The following MAB21L4 variants were observed in gnomAD, a reference collection of about 807,000 sequenced individuals.
MAB21L4 encodes protein mab-21-like 4.
MAB21L4 carries 25 observed loss-of-function variants against 32.4 expected under a neutral mutation model. The observed-to-expected ratio is 0.77, with a 90% CI of 0.56 to 1.08. The LOEUF (loss-of-function observed/expected upper bound fraction) is 1.08, where lower values mean the gene tolerates loss of function less well. MAB21L4 is among the 50% of genes least tolerant of loss of function. The pLI is 0.00. For synonymous variants in MAB21L4, 280 were observed against 276.8 expected (o/e 1.01, Z -0.11); for missense variants, 638 against 611.0 (o/e 1.04, Z -0.47).
At chr2:240,888,700 G>T in intron 3 of MAB21L4, 52 bp from the exon 4 acceptor site, 2 of 1,197,356 alleles carry the variant, frequency 1.7e-6, no homozygotes, top group Middle Eastern at 3.0e-4. Context: ...GGCCCACCCT[G>T]TGCTCCCACC....
chr2:240,889,886 C>T, intron 3 of MAB21L4, 119 bp downstream of exon 3: 1 of 1,233,880 alleles, frequency 8.1e-7, no homozygotes, highest in Non-Finnish European at 1.1e-6. Context: ...ATCCCCCCAA[C>T]TCCGACTTGG....
intron 1 of MAB21L4, chr2:240,892,080 A>T: frequency 7.0e-7 from 1 of 1,436,158 alleles, no homozygotes; most frequent in Admixed American, 2.5e-5. Context: ...GCCAGGCACC[A>T]CCCTCACCCC....
chr2:240,888,401 C>A lies in MAB21L4; in HGVS notation c.1142G>T (p.Gly381Val). Residue 381 changes from glycine to valine, a missense_variant, in exon 4 of 5, where the codon GGC (glycine) becomes GTC (valine). Gly to Val is a moderately radical substitution (Grantham distance 109). Coordinates refer to ENST00000388934, the MANE Select transcript of MAB21L4 (RefSeq NM_001085437.3). ...AALRIHATHL[G>V]RSPPPRIGSG... is the part of the protein sequence containing the mutation. ...GCCGATGCGCGGCGGGGGGCTGCGG[C>A]CCAGGTGGGTGGCGTGGATGCGCAG... 6.4e-7 allele frequency: 1 copy of A among 1,556,784 alleles called. No individual in the cohort carries two copies. Among genetic ancestry groups the A allele is most frequent in the South Asian group, 1.2e-5 (1 of 83,744 alleles).
At chr2:240,892,291 G>C (rs2059157207) in intron 1 of MAB21L4, among the ~76,000 whole-genome samples, 1 of 152,146 alleles carries the variant, frequency 6.6e-6, no homozygotes, top group Admixed American at 6.5e-5. Context: ...TCCAGAGCTG[G>C]AGAGGGTGGA....
chr2:240,888,894 A>G (rs11898716), intron 3 of MAB21L4, among the ~76,000 whole-genome samples: 109,552 of 149,474 alleles, frequency 0.73, 40,481 homozygotes, highest in African/African-American at 0.85. Context: ...TGGCCCTCGC[A>G]CCCCACCCCA....
At chr2:240,891,517 T>C (rs755392582) in intron 2 of MAB21L4, 21 bp downstream of exon 2, 1 of 1,572,174 alleles carries the variant, frequency 6.4e-7, no homozygotes, top group Non-Finnish European at 8.6e-7. Context: ...AAGAACCTTG[T>C]GACCAGGAGG....
chr2:240,887,839 C>A (rs4675870), intron 4 of MAB21L4, among the ~76,000 whole-genome samples: 2 of 152,038 alleles, frequency 1.3e-5, no homozygotes, highest in African/African-American at 4.8e-5. Flanking sequence ...CAGGCACCCA[C>A]GAGAAGTGGC....
At chr2:240,893,636 A>C (rs1276211344) in intron 1 of MAB21L4, among the ~76,000 whole-genome samples, 1 of 152,000 alleles carries the variant, frequency 6.6e-6, no homozygotes, top group Non-Finnish European at 1.5e-5. Flanking sequence ...CTTTAAGGTG[A>C]GTGTCAGGAA....
chr2:240,891,847 G>A (rs6737320), intron 1 of MAB21L4, 84 bp from the exon 2 acceptor site: 784,969 of 1,589,092 alleles, frequency 0.49, 197,673 homozygotes, highest in African/African-American at 0.73. Context: ...CTGCCAACTT[G>A]GCCCCTGCCC....
intron 1 of MAB21L4, among the ~76,000 whole-genome samples, chr2:240,894,534 G>A (rs569923978): frequency 8.9e-4 from 136 of 152,334 alleles, no homozygotes; most frequent in African/African-American, 3.2e-3. Flanking sequence ...GCCTGGTGCT[G>A]TGGCTCACAC....
At chr2:240,896,212 C>A, upstream of MAB21L4, 3 of 1,233,322 alleles carry the variant, frequency 2.4e-6, no homozygotes, top group South Asian at 7.6e-5. Context: ...GTGAGTCAGT[C>A]CCCAGCAATT....
At chr2:240,893,546 C>CA (rs1462470604) in intron 1 of MAB21L4, among the ~76,000 whole-genome samples, 2 of 152,244 alleles carry the variant, frequency 1.3e-5, no homozygotes, top group Non-Finnish European at 2.9e-5. Context: ...AGCCCGGCCA[C>CA]AGGCCACAGC....
chr2:240,887,986 G>A (rs2059110401), intron 4 of MAB21L4, among the ~76,000 whole-genome samples: 1 of 152,190 alleles, frequency 6.6e-6, no homozygotes, highest in African/African-American at 2.4e-5. Context: ...CTGGGGCTCT[G>A]AGCATTTACC....
At chr2:240,891,978 C>T in intron 1 of MAB21L4, 1 of 1,540,798 alleles carries the variant, frequency 6.5e-7, no homozygotes. Context: ...GCCACCATGC[C>T]TGCCCAATGG....
chr2:240,888,759 C>T, intron 3 of MAB21L4, 111 bp from the exon 4 acceptor site: 1 of 718,320 alleles, frequency 1.4e-6, no homozygotes, highest in Non-Finnish European at 2.1e-6. Flanking sequence ...CCTACCCACA[C>T]CTCTTCCTAC....
rs752308638 is a variant in MAB21L4 at position 240,888,691 on chromosome 2, GCCCACCCTGTGCT to G, written c.895-56_895-44del. The G allele has an allele frequency of 1.2e-4, 161 of 1,311,138 alleles. No individual in the cohort carries two copies. In the African/African-American group the frequency reaches 1.8e-3, roughly 15 times the overall value. 81.2% of individuals were successfully genotyped at this position (1,311,138 alleles called of 1,614,324 possible). ...CAGCCCTGGCCTCCTGGCCCACCCG[GCCCACCCTGTGCT>G]CCCACCCTGCGCTCCCACCCTCACC... is the stretch of plus-strand genomic sequence containing the variant. On this transcript the variant is annotated intron_variant, in intron 3 of 4. Transcript: ENST00000388934.
chr2:240,889,937 G>T (rs2059128925), intron 3 of MAB21L4, 68 bp downstream of exon 3: 1 of 1,518,226 alleles, frequency 6.6e-7, no homozygotes, highest in Admixed American at 1.9e-5. Flanking sequence ...TGGCAGGAGG[G>T]ACACGCCTGG....
At chr2:240,889,398 C>T (rs951297451) in intron 3 of MAB21L4, among the ~76,000 whole-genome samples, 4 of 152,126 alleles carry the variant, frequency 2.6e-5, no homozygotes, top group South Asian at 2.1e-4. Flanking sequence ...GAGCAGCGCC[C>T]GGCTGGCCAC....
chr2:240,887,731 G>A (rs1231131199), intron 4 of MAB21L4, among the ~76,000 whole-genome samples: 3 of 152,186 alleles, frequency 2.0e-5, no homozygotes, highest in Non-Finnish European at 4.4e-5. Flanking sequence ...GGATGAGGGT[G>A]AGGGCCGGGC....
Sources: allele counts gnomAD v4.1 joint callset (sites outside exome capture counted in the v4.1 genomes callset), GRCh38; gene constraint gnomAD v4.1.1; transcripts MANE v1.5; gene names NCBI Gene and HGNC (gene_info 2026-07-23, HGNC 2026-07-21).